Variants in MEF2C observed in about 807,000 individuals in gnomAD.
MEF2C encodes myocyte enhancer factor 2C, also known as myocyte-specific enhancer factor 2C.
Under a neutral mutation model 50.5 loss-of-function variants are expected in MEF2C, and 6 were observed. The observed-to-expected ratio is 0.12, with a 90% CI of 0.07 to 0.23. The LOEUF (loss-of-function observed/expected upper bound fraction) is 0.23. Ranked by LOEUF, MEF2C falls within the 10% of genes least tolerant of loss-of-function variation. The pLI is 1.00. For synonymous variants in MEF2C, 183 were observed against 228.0 expected (o/e 0.80, Z 1.78); for missense variants, 276 against 605.0 (o/e 0.46, Z 5.70).
intron 2 of MEF2C, among the ~76,000 whole-genome samples, chr5:88,809,508 CA>C (rs919587884): frequency 1.5e-4 from 22 of 151,152 alleles, no homozygotes; most frequent in African/African-American, 4.4e-4. Context: ...TGTGGCTGGA[CA>C]AAAAAAAGTC....
At position 88,785,852 on chromosome 5, in the gene MEF2C, A is replaced by G. The variant is rs543667030; in HGVS notation, c.258+18746T>C. Among the ~76,000 whole-genome samples, 398 of 152,214 alleles carry G rather than the reference A, an allele frequency of 2.6e-3. 1 individual carries two copies. Among genetic ancestry groups the G allele is most frequent in the African/African-American group, 9.0e-3 (375 of 41,558 alleles). On this transcript the variant is annotated intron_variant, in intron 3 of 10. Coordinates refer to ENST00000504921, the MANE Select transcript of MEF2C (RefSeq NM_002397.5). The stretch of plus-strand genomic sequence containing the variant: ...TACAACCTATGAGGAAAAAAAAAAA[A>G]GTATCCTGGGGCTAAAATGTTTATT...
At chr5:88,857,851 C>G (rs1397486298) in intron 1 of MEF2C, among the ~76,000 whole-genome samples, 1 of 152,182 alleles carries the variant, frequency 6.6e-6, no homozygotes. Flanking sequence ...TTCTTCATAG[C>G]AGCGTAAGAA....
At chr5:88,736,922 G>C (rs868422737) in intron 6 of MEF2C, 3 of 985,096 alleles carry the variant, frequency 3.0e-6, no homozygotes, top group African/African-American at 1.7e-5. Flanking sequence ...ATCTTTTAAG[G>C]ATCAACTAAA....
chr5:88,753,838 A>T (rs1773984057), intron 4 of MEF2C, among the ~76,000 whole-genome samples: 1 of 152,250 alleles, frequency 6.6e-6, no homozygotes, highest in Non-Finnish European at 1.5e-5. Context: ...GTTTGATAAG[A>T]CATCAAATAA....
chr5:88,785,664 T>C (rs1337046246), intron 3 of MEF2C: 1 of 152,232 alleles, frequency 6.6e-6, no homozygotes, highest in African/African-American at 2.4e-5. Flanking sequence ...GAGTTTCCTC[T>C]GTTAATTATT....
rs200405456 is a variant in MEF2C, at chr5:88,747,648, C to A, written c.637+1422G>T. Among the ~76,000 whole-genome samples the A allele has an allele frequency of 4.4e-4, 11 of 24,956 alleles. 3 individuals are homozygous for A. The highest frequency in any genetic ancestry group is 1.4e-3 in the East Asian group (1 of 726). The allele number at this position is 24,956 out of a possible 152,430, so 16.4% of individuals were successfully genotyped here. On this transcript the variant is annotated intron_variant, in intron 6 of 10. Coordinates refer to ENST00000504921, the MANE Select transcript of MEF2C (RefSeq NM_002397.5). ...ACAGGCGTGAGCCACCGCGCCCGGC[C>A]CTTTTTTACTACTTTTAATGACTTT...
intron 1 of MEF2C, among the ~76,000 whole-genome samples, chr5:88,867,361 G>C (rs1827738264): frequency 6.6e-6 from 1 of 152,122 alleles, no homozygotes; most frequent in African/African-American, 2.4e-5. Flanking sequence ...GAAGAGAGTG[G>C]ACTTGAGACT....
chr5:88,901,685 T>C (rs1835667324), intron 1 of MEF2C, among the ~76,000 whole-genome samples: 2 of 151,986 alleles, frequency 1.3e-5, no homozygotes, highest in African/African-American at 4.8e-5. Context: ...TTTATTAAAA[T>C]AAACCATTCC....
chr5:88,902,265 A>T (rs1835744187), intron 1 of MEF2C, among the ~76,000 whole-genome samples: 1 of 151,732 alleles, frequency 6.6e-6, no homozygotes, highest in Non-Finnish European at 1.5e-5. Flanking sequence ...CTGAATCAAT[A>T]TAATGAAACA....
At chr5:88,764,536 G>A (rs897557970) in intron 3 of MEF2C, among the ~76,000 whole-genome samples, 10 of 151,510 alleles carry the variant, frequency 6.6e-5, no homozygotes, top group East Asian at 3.9e-4. Context: ...TTGTCCAGGC[G>A]TGGTGGCTCT....
At chr5:88,742,573 A>G (rs618298) in intron 6 of MEF2C, 554,757 of 983,106 alleles carry the variant, frequency 0.56, 159,415 homozygotes, top group East Asian at 0.59. Flanking sequence ...AAAGGGCTCT[A>G]AAATCTGCTA....
At chr5:88,786,442 T>C (rs1042633291) in intron 3 of MEF2C, among the ~76,000 whole-genome samples, 2 of 151,536 alleles carry the variant, frequency 1.3e-5, no homozygotes, top group South Asian at 4.1e-4. Flanking sequence ...AGATGTATCA[T>C]GTTTTAGAAT....
rs369495366 is a variant in MEF2C at position 88,869,252 on chromosome 5, CATAT to C, written c.-143+13699_-143+13702del. Among the ~76,000 whole-genome samples, 894 of 89,966 alleles carry C rather than the reference CATAT, an allele frequency of 9.9e-3. 39 individuals are homozygous for C. Among genetic ancestry groups the C allele is most frequent in the African/African-American group, 0.032 (752 of 23,416 alleles). 59.0% of individuals were successfully genotyped at this position (89,966 alleles called of 152,430 possible). Reference sequence around the variant, plus strand: ...TAGGCAGAAATCTAAAACTAGTTTTCATATATATATATATATATATATATACATA... The same window carrying C: ...TAGGCAGAAATCTAAAACTAGTTTTCATATATATATATATATATATACATA... On this transcript the variant is annotated intron_variant, in intron 1 of 10. Coordinates refer to ENST00000504921, the MANE Select transcript of MEF2C (RefSeq NM_002397.5).
rs886060862 is a variant in MEF2C, at chr5:88,722,548, TATAGC to T, written c.*51_*55del. On this transcript the variant is annotated 3_prime_UTR_variant, in exon 11 of 11. Coordinates refer to ENST00000504921, the MANE Select transcript of MEF2C (RefSeq NM_002397.5). ...TATCGACCCCCCTTCCCCATTAAGG[TATAGC>T]ACACACACACACTGCAAGAAAAAAA... 3.6e-5 allele frequency: 53 copies of T among 1,463,870 alleles called. No individual in the cohort carries two copies. The highest frequency in any genetic ancestry group is 4.8e-5 in the Non-Finnish European group (51 of 1,072,638). The allele number at this position is 1,463,870 out of a possible 1,614,324, so 90.7% of individuals were successfully genotyped here.
intron 1 of MEF2C, among the ~76,000 whole-genome samples, chr5:88,867,010 G>A (rs1331118268): frequency 1.3e-5 from 2 of 152,166 alleles, no homozygotes; most frequent in East Asian, 3.8e-4. Context: ...GACATAAAAC[G>A]AGATTTTCCC....
At chr5:88,886,697 C>T (rs1011212666), upstream of MEF2C, among the ~76,000 whole-genome samples, 1 of 152,114 alleles carries the variant, frequency 6.6e-6, no homozygotes, top group African/African-American at 2.4e-5. Flanking sequence ...AATATTTCTC[C>T]TACATTAAGT....
chr5:88,890,348 G>T (rs1834404961), intron 1 of MEF2C, among the ~76,000 whole-genome samples: 1 of 152,192 alleles, frequency 6.6e-6, no homozygotes, highest in African/African-American at 2.4e-5. Context: ...ACTAAATGCA[G>T]ATATCTGTGC....
rs554038204 is a variant in MEF2C at position 88,805,470 on chromosome 5, A to G, written c.55-669T>C. 8.5e-5 allele frequency among the ~76,000 whole-genome samples: 13 copies of G among 152,286 alleles called. 1 individual carries two copies. The South Asian group carries it at 2.3e-3, about 27-fold the overall frequency. On this transcript the variant is annotated intron_variant, in intron 2 of 10. Transcript: ENST00000504921. ...TTAATCTAATCTATTACCAAGACCC[A>G]TAATTCCTTTCCTCAAAATATTTCT...
intron 1 of MEF2C, among the ~76,000 whole-genome samples, chr5:88,862,871 A>AC (rs1467670054): frequency 1.3e-5 from 2 of 152,200 alleles, no homozygotes; most frequent in African/African-American, 4.8e-5. Context: ...TTAGGTTGGC[A>AC]CTTCCTACTT....
Sources: gnomAD v4.1 joint callset for allele counts (sites outside exome capture counted in the v4.1 genomes callset) on GRCh38, gnomAD v4.1.1 for gene constraint, MANE v1.5 for transcripts, NCBI Gene and HGNC (gene_info 2026-07-23, HGNC 2026-07-21) for gene names.